Variants in YTHDC1 observed in about 807,000 individuals in gnomAD.
The protein encoded by YTHDC1 is YTH N6-methyladenosine RNA binding protein C1.
A neutral mutation model predicts 107.0 loss-of-function variants in YTHDC1; 12 were observed. The observed-to-expected ratio is 0.11, with a 90% CI of 0.07 to 0.18. The LOEUF (loss-of-function observed/expected upper bound fraction) is 0.18. Ranked by LOEUF, YTHDC1 falls within the 10% of genes least tolerant of loss-of-function variation. YTHDC1 has a pLI of 1.00. For missense variants in YTHDC1, 635 were observed against 898.8 expected (o/e 0.71, Z 3.75); for synonymous variants, 280 against 289.5 (o/e 0.97, Z 0.33).
In YTHDC1 at chr4:68,332,860, A is replaced by G; in HGVS notation, c.974-13T>C. 2 of 1,611,520 alleles carry G rather than the reference A, an allele frequency of 1.2e-6. No homozygotes were observed. The highest frequency in any genetic ancestry group is 1.7e-6 in the Non-Finnish European group (2 of 1,178,344). On this transcript the variant is annotated splice_polypyrimidine_tract_variant and intron_variant, in intron 5 of 16. Transcript: ENST00000344157. ...TTCTTTTCTGAACCTGTATTTAGCC[A>G]AAGTACATTTGTTCAGATTGAGCTT...
At chr4:68,320,655 A>G (rs1274340007) in intron 11 of YTHDC1, among the ~76,000 whole-genome samples, 2 of 152,126 alleles carry the variant, frequency 1.3e-5, no homozygotes, top group African/African-American at 4.8e-5. Flanking sequence ...TAAAACTTAT[A>G]AATGTCATTT....
In YTHDC1 at chr4:68,337,927, A is replaced by G. The variant is rs751875636; in HGVS notation, c.131-27T>C. 1.9e-6 allele frequency: 3 copies of G among 1,585,642 alleles called. No individual in the cohort carries two copies. In the Admixed American group the frequency reaches 5.4e-5, roughly 28 times the overall value. Reference sequence around the variant, plus strand: ...TTTAAAATACAATGTAAAAAAAAAAAAAAGAAGTATTTGTAGTATTCCATT... The same window carrying G: ...TTTAAAATACAATGTAAAAAAAAAAGAAAGAAGTATTTGTAGTATTCCATT... On this transcript the variant is annotated intron_variant, in intron 2 of 16. Coordinates refer to ENST00000344157, the MANE Select transcript of YTHDC1 (RefSeq NM_001031732.4).
At chr4:68,319,067 A>G (rs779417451) in intron 12 of YTHDC1, among the ~76,000 whole-genome samples, 2 of 152,196 alleles carry the variant, frequency 1.3e-5, no homozygotes, top group Non-Finnish European at 2.9e-5. Flanking sequence ...ATAGAATTGT[A>G]AACTGCTAGA....
At position 68,337,201 on chromosome 4, in the gene YTHDC1, C is replaced by G. The variant is rs1724274784; in HGVS notation, c.709G>C (p.Glu237Gln). The G allele has an allele frequency of 6.9e-6, 11 of 1,602,214 alleles. No individual in the cohort carries two copies. Among genetic ancestry groups the G allele is most frequent in the East Asian group, 6.7e-5 (3 of 44,728 alleles). Residue 237 changes from glutamate to glutamine, a missense_variant, in exon 4 of 17, where the codon GAG (glutamate) becomes CAG (glutamine). This residue lies in a region of YTHDC1 where 294 missense variants were observed against 312.3 expected (regional missense o/e 0.94). Transcript: ENST00000344157. ...TCCTCCTCCTCCTCCTCTTCCTCCT[C>G]CTCCTCTTCCTCCTCCTCCTCTCCA... is the stretch of plus-strand genomic sequence containing the variant. The part of the protein sequence containing the change: ...EDGEEEEEEE[E>Q]EEEEEEEEEE...
At chr4:68,325,730 T>C (rs1029344164) in intron 9 of YTHDC1, among the ~76,000 whole-genome samples, 2 of 152,126 alleles carry the variant, frequency 1.3e-5, no homozygotes, top group Admixed American at 6.6e-5. Context: ...AGGAAAAACT[T>C]TGACATTTTC....
intron 9 of YTHDC1, 90 bp from the exon 10 acceptor site, chr4:68,324,313 T>G (rs1489135934): frequency 8.9e-7 from 1 of 1,129,216 alleles, no homozygotes; most frequent in Non-Finnish European, 1.3e-6. Flanking sequence ...GTATTAACTG[T>G]GACTTAAATG....
intron 10 of YTHDC1, 69 bp downstream of exon 10, chr4:68,324,070 A>C: frequency 7.3e-7 from 1 of 1,365,002 alleles, no homozygotes; most frequent in South Asian, 1.3e-5. Context: ...TAAAACGAAT[A>C]CATCAATAAA....
At chr4:68,339,856 TG>T (rs1446006441) in intron 1 of YTHDC1, among the ~76,000 whole-genome samples, 1 of 152,176 alleles carries the variant, frequency 6.6e-6, no homozygotes, top group Non-Finnish European at 1.5e-5. Flanking sequence ...CTTTATTCAA[TG>T]ATCATGAAAG....
At chr4:68,341,810 T>A (rs1034245633) in intron 1 of YTHDC1, among the ~76,000 whole-genome samples, 1 of 152,204 alleles carries the variant, frequency 6.6e-6, no homozygotes, top group Non-Finnish European at 1.5e-5. Context: ...CATTTAGGTA[T>A]CAGGAAATTC....
At chr4:68,332,766 T>C (rs376664656) in intron 6 of YTHDC1, 28 bp downstream of exon 6, 8 of 1,605,674 alleles carry the variant, frequency 5.0e-6, no homozygotes, top group African/African-American at 2.7e-5. Context: ...CAGCATGCAA[T>C]GAAAACAATT....
chr4:68,320,302 C>A, intron 11 of YTHDC1, 97 bp from the exon 12 acceptor site: 1 of 784,392 alleles, frequency 1.3e-6, no homozygotes, highest in Non-Finnish European at 2.0e-6. Context: ...CAAAGAATAA[C>A]CCATTATTTA....
chr4:68,330,160 A>G (rs1166755148), intron 8 of YTHDC1, 41 bp from the exon 9 acceptor site: 2 of 1,576,814 alleles, frequency 1.3e-6, no homozygotes, highest in Non-Finnish European at 1.7e-6. Flanking sequence ...AGATGCTAAT[A>G]TAATTAATGT....
intron 1 of YTHDC1, 159 bp from the exon 2 acceptor site, chr4:68,338,543 A>G (rs554051920): frequency 3.5e-6 from 2 of 569,124 alleles, no homozygotes; most frequent in East Asian, 3.1e-5. Context: ...ATTAATTTCT[A>G]TAAAACTAAT....
intron 4 of YTHDC1, among the ~76,000 whole-genome samples, chr4:68,334,718 T>C (rs775443313): frequency 6.6e-6 from 1 of 152,066 alleles, no homozygotes; most frequent in East Asian, 1.9e-4. Flanking sequence ...AAAGAATTAT[T>C]TCATGGTCCA....
At chr4:68,335,527 C>A (rs559479327) in intron 4 of YTHDC1, among the ~76,000 whole-genome samples, 19 of 152,108 alleles carry the variant, frequency 1.2e-4, no homozygotes, top group African/African-American at 4.6e-4. Flanking sequence ...CATCTAGGAG[C>A]CTGTTACAAA....
chr4:68,316,010 C>T, intron 16 of YTHDC1: 1 of 200,902 alleles, frequency 5.0e-6, no homozygotes, highest in Non-Finnish European at 9.9e-6. Context: ...ATATTAATTA[C>T]ATAGCATAAT....
In YTHDC1 at chr4:68,328,362, T is replaced by C. The variant is rs1055995392; in HGVS notation, c.1349+1640A>G. On this transcript the variant is annotated intron_variant, in intron 9 of 16. Transcript: ENST00000344157. ...AAATAATCACTCCCTTTCCTACAAA[T>C]TGTCACCAGATTTTCAACTTTAATT... Among the ~76,000 whole-genome samples, 5 of 152,280 alleles carry C rather than the reference T, an allele frequency of 3.3e-5. No homozygotes were observed. In the South Asian group the frequency reaches 1.0e-3, roughly 32 times the overall value.
At chr4:68,318,896 T>C in intron 12 of YTHDC1, 34 bp from the exon 13 acceptor site, 1 of 1,609,990 alleles carries the variant, frequency 6.2e-7, no homozygotes, top group Non-Finnish European at 8.5e-7. Context: ...GTAAATCAAA[T>C]TTATATTTTT....
At chr4:68,334,837 A>C (rs1330597334) in intron 4 of YTHDC1, among the ~76,000 whole-genome samples, 1 of 152,170 alleles carries the variant, frequency 6.6e-6, no homozygotes, top group Non-Finnish European at 1.5e-5. Context: ...CAGCCTGGGC[A>C]ACATAGCAAG....
Sources: allele counts gnomAD v4.1 joint callset (sites outside exome capture counted in the v4.1 genomes callset), GRCh38; gene constraint gnomAD v4.1.1; regional missense constraint gnomAD v4.1.1; transcripts MANE v1.5; gene names NCBI Gene and HGNC (gene_info 2026-07-23, HGNC 2026-07-21).